THSD7B: variants seen among roughly 807,000 people sequenced by gnomAD.
THSD7B encodes thrombospondin type 1 domain containing 7B.
A neutral mutation model predicts 213.6 loss-of-function variants in THSD7B; 138 were observed. The ratio of observed to expected loss-of-function variants is 0.65; its 90% CI spans 0.56 to 0.74. The LOEUF (loss-of-function observed/expected upper bound fraction) is 0.74, where lower values mean the gene tolerates loss of function less well. Ranked by LOEUF, THSD7B falls within the 30% of genes least tolerant of loss-of-function variation. The probability of loss-of-function intolerance (pLI) is 0.00; values close to 1 mark genes in which losing one functional copy is unlikely to be tolerated. For missense variants in THSD7B, 1,931 were observed against 1,991.5 expected (o/e 0.97, Z 0.58); for synonymous variants, 742 against 687.0 (o/e 1.08, Z -1.25).
chr2:136,942,234 G>C (rs1684840472), intron 2 of THSD7B, among the ~76,000 whole-genome samples: 1 of 152,196 alleles, frequency 6.6e-6, no homozygotes, highest in African/African-American at 2.4e-5. Flanking sequence ...GTACCATGCT[G>C]TTTTGGTCAC....
intron 5 of THSD7B, among the ~76,000 whole-genome samples, chr2:137,149,092 C>T (rs1246117606): frequency 6.6e-6 from 1 of 152,186 alleles, no homozygotes; most frequent in Non-Finnish European, 1.5e-5. Context: ...TGCATCCCAG[C>T]TGCTTCAGCT....
At chr2:137,158,845 G>A (rs1296005589) in intron 5 of THSD7B, among the ~76,000 whole-genome samples, 1 of 152,146 alleles carries the variant, frequency 6.6e-6, no homozygotes, top group Non-Finnish European at 1.5e-5. Context: ...CATTTCTAGT[G>A]TGCTCAACTG....
intron 20 of THSD7B, among the ~76,000 whole-genome samples, chr2:137,634,428 G>A (rs1682796104): frequency 1.3e-5 from 2 of 152,080 alleles, no homozygotes; most frequent in African/African-American, 4.8e-5. Context: ...GTATATTTAT[G>A]TAAATTGCTC....
chr2:137,231,000 G>C, intron 7 of THSD7B, 44 bp from the exon 8 acceptor site: 1 of 1,576,116 alleles, frequency 6.3e-7, no homozygotes, highest in Non-Finnish European at 8.7e-7. Context: ...AGTGAGGCTT[G>C]ATTGTGCATT....
intron 7 of THSD7B, among the ~76,000 whole-genome samples, chr2:137,201,646 GT>G (rs1460985945): frequency 6.6e-6 from 1 of 152,146 alleles, no homozygotes; most frequent in Non-Finnish European, 1.5e-5. Context: ...GTGCAGAATT[GT>G]TGTATCATAT....
chr2:137,658,609 T>C (rs1236455153), intron 24 of THSD7B, among the ~76,000 whole-genome samples: 1 of 152,174 alleles, frequency 6.6e-6, no homozygotes, highest in African/African-American at 2.4e-5. Flanking sequence ...ACACAGTTGG[T>C]AGAAATAGGA....
In THSD7B at chr2:137,232,877, C is replaced by T. The variant is rs574665347; in HGVS notation, c.1916-22C>T. The T allele has an allele frequency of 4.0e-5, 64 of 1,609,428 alleles. No homozygotes were observed. The Admixed American group carries it at 5.3e-4, about 13-fold the overall frequency. On this transcript the variant is annotated intron_variant, in intron 8 of 27. Coordinates refer to ENST00000409968, the MANE Select transcript of THSD7B (RefSeq NM_001316349.2). ...AAGAACAGCAACCACTATGTATTACCTTTTGTTCTTATTTTTGGCAGGTGG... is the reference window on the plus strand; with the variant it reads ...AAGAACAGCAACCACTATGTATTACTTTTTGTTCTTATTTTTGGCAGGTGG...
At chr2:137,453,867 G>T (rs897818876) in intron 15 of THSD7B, among the ~76,000 whole-genome samples, 3 of 152,028 alleles carry the variant, frequency 2.0e-5, no homozygotes, top group African/African-American at 7.2e-5. Context: ...GCAGTATTTT[G>T]CTTTTTGTGC....
Position 137,404,526 on chromosome 2 carries a change from C to A in THSD7B, c.2501-1087C>A, listed in dbSNP as rs915201092. Among the ~76,000 whole-genome samples, 19 of 132,684 alleles carry A rather than the reference C, an allele frequency of 1.4e-4. No individual in the cohort carries two copies. The East Asian group carries it at 1.7e-3, about 12-fold the overall frequency. The allele number at this position is 132,684 out of a possible 152,430, so 87.0% of individuals were successfully genotyped here. ...ACACACATATATGTATATACACACACAATATATATATACACACATACTATA... is the reference window on the plus strand; with the variant it reads ...ACACACATATATGTATATACACACAAAATATATATATACACACATACTATA... On this transcript the variant is annotated intron_variant, in intron 12 of 27. Transcript: ENST00000409968.
intron 23 of THSD7B, 29 bp from the exon 24 acceptor site, chr2:137,657,036 A>G: frequency 6.2e-7 from 1 of 1,613,690 alleles, no homozygotes; most frequent in Non-Finnish European, 8.5e-7. Flanking sequence ...GAGGTGTAAT[A>G]GAACTGCTAT....
At chr2:137,641,925 T>A (rs964498451) in intron 20 of THSD7B, among the ~76,000 whole-genome samples, 1 of 152,182 alleles carries the variant, frequency 6.6e-6, no homozygotes, top group African/African-American at 2.4e-5. Context: ...ATTGGGACCT[T>A]GGGGTAGCAC....
intron 2 of THSD7B, among the ~76,000 whole-genome samples, chr2:137,056,040 T>C (rs995715943): frequency 2.0e-5 from 3 of 152,212 alleles, no homozygotes; most frequent in African/African-American, 7.2e-5. Flanking sequence ...TTGAGTTAGA[T>C]GTATAGGCTT....
chr2:137,399,151 G>C (rs1004718651), intron 12 of THSD7B, among the ~76,000 whole-genome samples: 3 of 151,346 alleles, frequency 2.0e-5, no homozygotes, highest in Admixed American at 6.6e-5. Flanking sequence ...GGGAGCTGTA[G>C]ACTGGAGCTG....
At chr2:137,143,945 T>C (rs955371729) in intron 5 of THSD7B, among the ~76,000 whole-genome samples, 65 of 152,248 alleles carry the variant, frequency 4.3e-4, no homozygotes, top group African/African-American at 1.5e-3. Flanking sequence ...CAGCTTTTAA[T>C]TAACTTTAAA....
At chr2:136,777,313 C>A (rs1011373773) in intron 1 of THSD7B, among the ~76,000 whole-genome samples, 2 of 152,180 alleles carry the variant, frequency 1.3e-5, no homozygotes. Flanking sequence ...TAATACAAAG[C>A]AACTACTCCT....
At chr2:136,805,886 G>T (rs1301298272) in intron 1 of THSD7B, among the ~76,000 whole-genome samples, 1 of 152,164 alleles carries the variant, frequency 6.6e-6, no homozygotes, top group Admixed American at 6.5e-5. Context: ...TAGCTCAAGG[G>T]TGCTGCACTA....
chr2:137,356,421 C>T (rs1280355891), intron 12 of THSD7B, among the ~76,000 whole-genome samples: 1 of 152,114 alleles, frequency 6.6e-6, no homozygotes, highest in Non-Finnish European at 1.5e-5. Flanking sequence ...AGTTGCTCTA[C>T]CATGCTTCTG....
At chr2:137,392,928 A>G in intron 12 of THSD7B, among the ~76,000 whole-genome samples, 1 of 151,758 alleles carries the variant, frequency 6.6e-6, no homozygotes, top group East Asian at 1.9e-4. Flanking sequence ...TCTGAGTTTT[A>G]TACTTTTTAT....
At position 136,820,963 on chromosome 2, in the gene THSD7B, A is replaced by G. The variant is rs149490244; in HGVS notation, c.-36+55276A>G. On this transcript the variant is annotated intron_variant, in intron 1 of 27. Transcript: ENST00000409968. ...CAATTAGAGAATTTAGGTGAAGGGT[A>G]AATGAGAATCCATTGCATTAAAATA... is the stretch of plus-strand genomic sequence containing the variant. Among the ~76,000 whole-genome samples, 5 of 152,300 alleles carry G rather than the reference A, an allele frequency of 3.3e-5. No individual in the cohort carries two copies. The East Asian group carries it at 9.6e-4, about 29-fold the overall frequency.
Sources: gnomAD v4.1 joint callset for allele counts (sites outside exome capture counted in the v4.1 genomes callset) on GRCh38, gnomAD v4.1.1 for gene constraint, MANE v1.5 for transcripts, NCBI Gene and HGNC (gene_info 2026-07-23, HGNC 2026-07-21) for gene names.